GMDS: variants seen among roughly 807,000 people sequenced by gnomAD.
GMDS encodes the protein GDP-mannose 4,6-dehydratase.
GMDS carries 20 observed loss-of-function variants against 49.9 expected under a neutral mutation model. That is an observed-to-expected ratio of 0.40 (90% confidence interval 0.28 to 0.58). The LOEUF (loss-of-function observed/expected upper bound fraction) is 0.58, where lower values mean the gene tolerates loss of function less well. GMDS is among the 20% of genes least tolerant of loss of function. GMDS has a pLI of 0.42. For missense variants in GMDS, 362 were observed against 481.4 expected, an observed-to-expected ratio of 0.75 and a Z score of 2.32; for synonymous variants, 177 against 178.6, an observed-to-expected ratio of 0.99 and a Z score of 0.07.
At chr6:1,675,430 A>G (rs1326914817) in intron 9 of GMDS, among the ~76,000 whole-genome samples, 1 of 151,462 alleles carries the variant, frequency 6.6e-6, no homozygotes, top group East Asian at 1.9e-4. Context: ...CAAGCCTTTT[A>G]TTCCTTTTCT....
chr6:2,155,907 A>T lies in GMDS; in HGVS notation c.103-31176T>A, dbSNP rs759433303. Among the ~76,000 whole-genome samples the T allele has an allele frequency of 3.3e-5, 5 of 152,230 alleles. 1 individual carries two copies. Among genetic ancestry groups the T allele is most frequent in the Non-Finnish European group, 7.4e-5 (5 of 68,026 alleles). ...GATACAACAGCCATGATTTGAAAAG[A>T]TATTTTAAACTAACCTACTTATAAA... On this transcript the variant is annotated intron_variant, in intron 1 of 10. Transcript: ENST00000380815.
intron 1 of GMDS, among the ~76,000 whole-genome samples, chr6:2,149,936 C>T (rs762976176): frequency 5.3e-5 from 8 of 152,006 alleles, no homozygotes; most frequent in Non-Finnish European, 1.2e-4. Flanking sequence ...TTAAAATTAC[C>T]TTATATCCTG....
intron 7 of GMDS, among the ~76,000 whole-genome samples, chr6:1,788,340 A>C (rs570754126): frequency 1.5e-4 from 23 of 152,198 alleles, no homozygotes; most frequent in Non-Finnish European, 7.4e-5. Context: ...CTTCAAAATT[A>C]AAAAGCAATG....
chr6:1,840,169 A>G (rs1215807086), intron 7 of GMDS, among the ~76,000 whole-genome samples: 1 of 152,174 alleles, frequency 6.6e-6, no homozygotes, highest in African/African-American at 2.4e-5. Context: ...GATGGGCTAG[A>G]AAGGGCCCTC....
intron 1 of GMDS, among the ~76,000 whole-genome samples, chr6:2,204,696 A>G (rs895414740): frequency 2.6e-5 from 4 of 152,240 alleles, no homozygotes; most frequent in Non-Finnish European, 1.5e-5. Context: ...CCATCATTGC[A>G]GAAAATTTTA....
intron 4 of GMDS, among the ~76,000 whole-genome samples, chr6:2,106,870 GAA>G (rs576984709): frequency 6.2e-5 from 8 of 129,812 alleles, no homozygotes; most frequent in African/African-American, 2.3e-4. Flanking sequence ...CTCAAAAAAA[GAA>G]AAAAAAAAGG....
chr6:1,984,790 A>G (rs1350818718), intron 4 of GMDS, among the ~76,000 whole-genome samples: 1 of 152,240 alleles, frequency 6.6e-6, no homozygotes, highest in Non-Finnish European at 1.5e-5. Context: ...TAATTCCAGT[A>G]GGCCACAATT....
rs191419093 is a variant in GMDS at position 1,954,777 on chromosome 6, T to C, written c.643+5090A>G. On this transcript the variant is annotated intron_variant, in intron 6 of 10. Transcript: ENST00000380815. ...TTCCCCCACATCTGCAACTACTTCC[T>C]CCACTTGGAGGCCAATGGAGGGCTA... 4.9e-3 allele frequency among the ~76,000 whole-genome samples: 750 copies of C among 152,286 alleles called. 7 individuals are homozygous for C. Among genetic ancestry groups the C allele is most frequent in the Middle Eastern group, 0.01 (3 of 294 alleles).
intron 4 of GMDS, among the ~76,000 whole-genome samples, chr6:1,980,274 T>C (rs1561942889): frequency 1.3e-5 from 2 of 152,152 alleles, no homozygotes; most frequent in Non-Finnish European, 2.9e-5. Flanking sequence ...ACAAGACCCA[T>C]TGGTATGCTG....
chr6:1,641,870 C>A (rs1014834589), intron 9 of GMDS, among the ~76,000 whole-genome samples: 34 of 152,280 alleles, frequency 2.2e-4, no homozygotes, highest in African/African-American at 7.9e-4. Flanking sequence ...TCTGACTTAC[C>A]TTCATGAAAG....
chr6:2,067,630 T>G (rs538205487), intron 4 of GMDS, among the ~76,000 whole-genome samples: 1 of 151,844 alleles, frequency 6.6e-6, no homozygotes, highest in Admixed American at 6.6e-5. Context: ...GAGAATACTA[T>G]AAACACCTCT....
At chr6:1,827,153 G>GCACA (rs549906355) in intron 7 of GMDS, among the ~76,000 whole-genome samples, 25 of 130,704 alleles carry the variant, frequency 1.9e-4, no homozygotes, top group South Asian at 4.9e-4. Context: ...ATATATATAT[G>GCACA]CACACACACA....
At chr6:1,650,366 T>A (rs1200118289) in intron 9 of GMDS, among the ~76,000 whole-genome samples, 1 of 152,076 alleles carries the variant, frequency 6.6e-6, no homozygotes, top group East Asian at 1.9e-4. Flanking sequence ...CATAAGAGAC[T>A]CCTTAGGTTC....
At position 1,743,174 on chromosome 6, in the gene GMDS, G is replaced by C. The variant is rs181729066; in HGVS notation, c.772-588C>G. Among the ~76,000 whole-genome samples the C allele has an allele frequency of 2.2e-4, 33 of 152,272 alleles. 1 individual carries two copies. The highest frequency in any genetic ancestry group is 1.7e-3 in the Admixed American group (26 of 15,302). The stretch of plus-strand genomic sequence containing the variant: ...AGAGTACTACTATTATAAAAAAGCT[G>C]TCTGAGAGGCAATGAAAACATTTAT... On this transcript the variant is annotated intron_variant, in intron 7 of 10. Coordinates refer to ENST00000380815, the MANE Select transcript of GMDS (RefSeq NM_001500.4).
intron 7 of GMDS, among the ~76,000 whole-genome samples, chr6:1,790,243 C>T (rs1769481974): frequency 1.3e-5 from 2 of 152,236 alleles, no homozygotes; most frequent in Non-Finnish European, 2.9e-5. Flanking sequence ...ATTAGACAAG[C>T]CCCTCTTCTC....
intron 7 of GMDS, among the ~76,000 whole-genome samples, chr6:1,898,313 AT>A (rs1428248229): frequency 6.6e-6 from 1 of 152,226 alleles, no homozygotes; most frequent in African/African-American, 2.4e-5. Context: ...AAATAAAATT[AT>A]TTGGCAATTT....
chr6:1,781,985 C>T (rs1561801230), intron 7 of GMDS, among the ~76,000 whole-genome samples: 1 of 152,048 alleles, frequency 6.6e-6, no homozygotes, highest in Non-Finnish European at 1.5e-5. Flanking sequence ...CCAAGTTCAA[C>T]AGACTGCACA....
chr6:2,170,308 T>C (rs1436111060), intron 1 of GMDS, among the ~76,000 whole-genome samples: 2 of 152,164 alleles, frequency 1.3e-5, no homozygotes, highest in Non-Finnish European at 2.9e-5. Flanking sequence ...ATTATCCTTG[T>C]TACCATATGT....
chr6:2,002,937 T>C (rs1271749105), intron 4 of GMDS, among the ~76,000 whole-genome samples: 1 of 152,166 alleles, frequency 6.6e-6, no homozygotes, highest in Non-Finnish European at 1.5e-5. Context: ...GACAGGTTAT[T>C]TTGAAAATTT....
Sources: allele counts gnomAD v4.1 joint callset (sites outside exome capture counted in the v4.1 genomes callset), GRCh38; gene constraint gnomAD v4.1.1; transcripts MANE v1.5; gene names NCBI Gene and HGNC (gene_info 2026-07-23, HGNC 2026-07-21).